Variants in TNS3 observed in about 807,000 individuals in gnomAD.
TNS3 encodes tensin 3.
TNS3 carries 45 observed loss-of-function variants against 140.9 expected under a neutral mutation model. The ratio of observed to expected loss-of-function variants is 0.32; its 90% CI spans 0.25 to 0.41. The LOEUF is 0.41. TNS3 is among the 10% of genes least tolerant of loss of function. TNS3 has a pLI of 1.00. For missense variants in TNS3, 1,716 were observed against 1,906.7 expected (o/e 0.90, Z 1.86); for synonymous variants, 815 against 788.4 (o/e 1.03, Z -0.56).
At chr7:47,533,123 A>ATATATTTTTT (rs1186427934) in intron 1 of TNS3, among the ~76,000 whole-genome samples, 4 of 88,828 alleles carry the variant, frequency 4.5e-5, no homozygotes, top group African/African-American at 1.9e-4. Context: ...ATATATATAT[A>ATATATTTTTT]TTTTTTTTTT....
At chr7:47,571,238 T>C (rs1232796383) in intron 1 of TNS3, among the ~76,000 whole-genome samples, 1 of 152,252 alleles carries the variant, frequency 6.6e-6, no homozygotes, top group Non-Finnish European at 1.5e-5. Context: ...TGTCGACAGC[T>C]ACTCCTAACA....
chr7:47,426,867 T>A (rs554108853), intron 9 of TNS3, among the ~76,000 whole-genome samples: 1 of 152,230 alleles, frequency 6.6e-6, no homozygotes, highest in South Asian at 2.1e-4. Context: ...GGCTCACACC[T>A]GTAATCCCAG....
At chr7:47,338,626 C>A (rs925323377) in intron 20 of TNS3, among the ~76,000 whole-genome samples, 4 of 152,044 alleles carry the variant, frequency 2.6e-5, no homozygotes, top group African/African-American at 4.8e-5. Flanking sequence ...TTGCTTAGGA[C>A]AATGGCCTAC....
intron 1 of TNS3, among the ~76,000 whole-genome samples, chr7:47,574,623 A>G (rs772938360): frequency 9.4e-6 from 1 of 106,288 alleles, no homozygotes; most frequent in Non-Finnish European, 2.1e-5. Context: ...TGCTATTCAT[A>G]CAGACACACA....
chr7:47,443,685 G>A (rs376978028), intron 4 of TNS3, among the ~76,000 whole-genome samples: 1 of 152,298 alleles, frequency 6.6e-6, no homozygotes, highest in South Asian at 2.1e-4. Flanking sequence ...ACTTTGAGAG[G>A]CCGAGGCGGG....
intron 20 of TNS3, among the ~76,000 whole-genome samples, chr7:47,318,622 C>CAAAACA (rs1179525079): frequency 2.0e-5 from 3 of 152,070 alleles, no homozygotes; most frequent in Non-Finnish European, 4.4e-5. Flanking sequence ...TGAGCCAAAA[C>CAAAACA]AAAACAAAAA....
intron 2 of TNS3, among the ~76,000 whole-genome samples, chr7:47,507,964 G>C (rs1214576042): frequency 6.6e-6 from 1 of 152,164 alleles, no homozygotes; most frequent in Non-Finnish European, 1.5e-5. Context: ...GCTATCATGG[G>C]TCAAATGGAA....
chr7:47,428,642 C>G (rs756923469), intron 8 of TNS3, among the ~76,000 whole-genome samples: 43 of 152,208 alleles, frequency 2.8e-4, no homozygotes, highest in Non-Finnish European at 8.8e-5. Flanking sequence ...CTGACCAACA[C>G]AGCAGCTGCC....
At chr7:47,478,878 TAAC>T (rs1177987011) in intron 4 of TNS3, among the ~76,000 whole-genome samples, 2 of 152,036 alleles carry the variant, frequency 1.3e-5, no homozygotes, top group Non-Finnish European at 2.9e-5. Context: ...CATATACATG[TAAC>T]AACTACATGC....
chr7:47,445,779 G>C (rs1110925), intron 4 of TNS3, among the ~76,000 whole-genome samples: 1 of 151,964 alleles, frequency 6.6e-6, no homozygotes, highest in African/African-American at 2.4e-5. Flanking sequence ...ATGAGAACCA[G>C]GCCCCATACT....
At chr7:47,283,663 G>A in intron 28 of TNS3, 34 bp downstream of exon 28, 7 of 1,509,322 alleles carry the variant, frequency 4.6e-6, no homozygotes, top group Non-Finnish European at 6.2e-6. Context: ...CCCCGCCCCT[G>A]CTGGACGGCT....
At chr7:47,327,843 C>G (rs1192855110) in intron 20 of TNS3, among the ~76,000 whole-genome samples, 1 of 151,698 alleles carries the variant, frequency 6.6e-6, no homozygotes, top group Non-Finnish European at 1.5e-5. Flanking sequence ...CCCCTCCCCA[C>G]CCCCCTCCAC....
chr7:47,540,604 G>A (rs1799757261), intron 1 of TNS3, among the ~76,000 whole-genome samples: 2 of 151,220 alleles, frequency 1.3e-5, no homozygotes, highest in Non-Finnish European at 3.0e-5. Context: ...GGCTCACCCC[G>A]CCCCTCCCAG....
At chr7:47,522,300 T>TC (rs1799010562) in intron 2 of TNS3, among the ~76,000 whole-genome samples, 1 of 152,190 alleles carries the variant, frequency 6.6e-6, no homozygotes, top group Non-Finnish European at 1.5e-5. Context: ...CTAAGGCATT[T>TC]CAGATCTGCC....
chr7:47,284,562 G>A (rs1222298791), intron 27 of TNS3, among the ~76,000 whole-genome samples: 4 of 152,156 alleles, frequency 2.6e-5, no homozygotes, highest in East Asian at 1.9e-4. Flanking sequence ...ATAAGTGCAC[G>A]TGTGACTTTG....
intron 3 of TNS3, among the ~76,000 whole-genome samples, chr7:47,503,762 T>C (rs1584783297): frequency 6.6e-6 from 1 of 152,162 alleles, no homozygotes. Flanking sequence ...AACAGAAATA[T>C]ACTTCCCAAG....
chr7:47,575,740 G>T (rs763035565), intron 1 of TNS3, among the ~76,000 whole-genome samples: 1 of 149,830 alleles, frequency 6.7e-6, no homozygotes, highest in African/African-American at 2.5e-5. Flanking sequence ...GGAGAATGGC[G>T]TGAACCCGGG....
At chr7:47,315,963 C>T (rs911160570) in intron 20 of TNS3, among the ~76,000 whole-genome samples, 1 of 152,130 alleles carries the variant, frequency 6.6e-6, no homozygotes, top group Non-Finnish European at 1.5e-5. Context: ...TTATAGTCTC[C>T]TATCCAAGTG....
rs1243194163 is a variant in TNS3, at chr7:47,346,193, G to C, written c.2445C>G (p.Val815=). 1 of 1,614,016 alleles carries C rather than the reference G, an allele frequency of 6.2e-7. No individual in the cohort carries two copies. Among genetic ancestry groups the C allele is most frequent in the South Asian group, 1.1e-5 (1 of 91,076 alleles). The change falls in exon 18 of 31, where the codon GTC becomes GTG. Residue 815 remains valine (V), a synonymous_variant. Transcript: ENST00000311160. Reference sequence around the variant, plus strand: ...ACCTGGCTGTGGCACATACCTCTTTGACGTCCGCTGGTGAGGGGAATGGCG... The same window carrying C: ...ACCTGGCTGTGGCACATACCTCTTTCACGTCCGCTGGTGAGGGGAATGGCG... The part of the protein sequence containing the change: ...NLPPFPSPAD[V]KETMTPGYPQ...
Sources: allele counts gnomAD v4.1 joint callset (sites outside exome capture counted in the v4.1 genomes callset), GRCh38; gene constraint gnomAD v4.1.1; transcripts MANE v1.5; gene names NCBI Gene and HGNC (gene_info 2026-07-23, HGNC 2026-07-21).